NCAM2: variants seen among roughly 807,000 people sequenced by gnomAD.
NCAM2 encodes the protein N-CAM-2.
A neutral mutation model predicts 98.1 loss-of-function variants in NCAM2; 30 were observed. The ratio of observed to expected loss-of-function variants is 0.31; its 90% CI spans 0.23 to 0.41. The LOEUF (loss-of-function observed/expected upper bound fraction) is 0.41. NCAM2 is among the 10% of genes least tolerant of loss of function. The pLI, the probability that NCAM2 is intolerant of heterozygous loss-of-function variation, is 1.00. For synonymous variants in NCAM2, 368 were observed against 342.4 expected (o/e 1.07, Z -0.83); for missense variants, 867 against 1,005.8 (o/e 0.86, Z 1.87).
rs557643886 is a variant in NCAM2, at chr21:21,150,106, A to C, written c.56-130472A>C. Among the ~76,000 whole-genome samples, 9 of 151,998 alleles carry C rather than the reference A, an allele frequency of 5.9e-5. No homozygotes were observed. The South Asian group carries it at 1.5e-3, about 25-fold the overall frequency. On this transcript the variant is annotated intron_variant, in intron 1 of 17. Transcript: ENST00000400546. ...TTAGGTTCCTTATATATTATGTGAAATTTTTTTCTAAATATTTTGTGTTTT... is the reference window on the plus strand; with the variant it reads ...TTAGGTTCCTTATATATTATGTGAACTTTTTTTCTAAATATTTTGTGTTTT...
chr21:21,225,175 CAT>C (rs2070330520), intron 1 of NCAM2, among the ~76,000 whole-genome samples: 1 of 152,070 alleles, frequency 6.6e-6, no homozygotes, highest in South Asian at 2.1e-4. Context: ...CCAAACACCA[CAT>C]GTTCTCACTT....
chr21:21,529,617 A>C (rs1989512535), intron 16 of NCAM2, among the ~76,000 whole-genome samples: 1 of 151,950 alleles, frequency 6.6e-6, no homozygotes, highest in Non-Finnish European at 1.5e-5. Context: ...ATGATTTATT[A>C]ATTGCATGAA....
rs200037420 is a variant in NCAM2 at position 21,179,714 on chromosome 21, TAGAC to T, written c.56-100861_56-100858del. Among the ~76,000 whole-genome samples the T allele has an allele frequency of 4.5e-3, 685 of 152,334 alleles. 20 individuals carry two copies. The highest frequency in any genetic ancestry group is 0.04 in the Admixed American group (606 of 15,292). Reference sequence around the variant, plus strand: ...ATATATGTGTCATTTTCAAGGGTAATAGACAGTTGTTTTCAGGTCAGTTTTTGCA... The same window carrying T: ...ATATATGTGTCATTTTCAAGGGTAATAGTTGTTTTCAGGTCAGTTTTTGCA... On this transcript the variant is annotated intron_variant, in intron 1 of 17. Transcript: ENST00000400546.
intron 9 of NCAM2, among the ~76,000 whole-genome samples, chr21:21,394,331 A>G (rs1208196788): frequency 3.3e-5 from 5 of 152,108 alleles, no homozygotes; most frequent in African/African-American, 4.8e-5. Context: ...GCCAAAAGAT[A>G]TATTAGTTTT....
chr21:21,295,100 G>A (rs1422672747), intron 5 of NCAM2, among the ~76,000 whole-genome samples: 3 of 151,284 alleles, frequency 2.0e-5, no homozygotes, highest in East Asian at 2.0e-4. Flanking sequence ...CAAGTATACC[G>A]AAGTCCTACC....
At chr21:21,190,994 A>C (rs2068803237) in intron 1 of NCAM2, among the ~76,000 whole-genome samples, 1 of 152,208 alleles carries the variant, frequency 6.6e-6, no homozygotes, top group Non-Finnish European at 1.5e-5. Context: ...ATTTACATAC[A>C]GTATTTATTA....
intron 6 of NCAM2, among the ~76,000 whole-genome samples, chr21:21,329,494 A>T (rs2074613758): frequency 6.6e-6 from 1 of 152,194 alleles, no homozygotes; most frequent in African/African-American, 2.4e-5. Flanking sequence ...GACTGGGGAC[A>T]TATTTTGTAG....
At chr21:21,007,734 G>T (rs545568411) in intron 1 of NCAM2, among the ~76,000 whole-genome samples, 2 of 152,094 alleles carry the variant, frequency 1.3e-5, no homozygotes, top group Admixed American at 6.6e-5. Flanking sequence ...TCTTGGTTTT[G>T]GTAGGTTTTG....
At chr21:21,187,947 G>C (rs567476699) in intron 1 of NCAM2, among the ~76,000 whole-genome samples, 1 of 152,170 alleles carries the variant, frequency 6.6e-6, no homozygotes, top group Non-Finnish European at 1.5e-5. Flanking sequence ...AGCTAAATGA[G>C]TATGATACAT....
At chr21:21,321,121 T>C (rs1172855424) in intron 5 of NCAM2, among the ~76,000 whole-genome samples, 1 of 152,220 alleles carries the variant, frequency 6.6e-6, no homozygotes, top group Non-Finnish European at 1.5e-5. Flanking sequence ...GACTTTCTAA[T>C]GGACACACAG....
At chr21:21,528,557 T>A (rs1187202843) in intron 16 of NCAM2, among the ~76,000 whole-genome samples, 1 of 152,252 alleles carries the variant, frequency 6.6e-6, no homozygotes, top group Non-Finnish European at 1.5e-5. Flanking sequence ...CTTTGTAGTT[T>A]ATAATTGCTG....
rs147787961 is a variant in NCAM2 at position 21,387,114 on chromosome 21, G to A, written c.1195+13101G>A. Among the ~76,000 whole-genome samples the A allele has an allele frequency of 5.5e-4, 83 of 151,786 alleles. 1 individual carries two copies. The East Asian group carries it at 0.014, about 26-fold the overall frequency. ...AAGTTGGAGATTAGGATGCTAGCACGGTTGGGTGACTGGTAAGGGCCCTCT... is the reference window on the plus strand; with the variant it reads ...AAGTTGGAGATTAGGATGCTAGCACAGTTGGGTGACTGGTAAGGGCCCTCT... On this transcript the variant is annotated intron_variant, in intron 9 of 17. Coordinates refer to ENST00000400546, the MANE Select transcript of NCAM2 (RefSeq NM_004540.5).
chr21:21,453,375 G>A (rs549766985), intron 12 of NCAM2, among the ~76,000 whole-genome samples: 10 of 151,814 alleles, frequency 6.6e-5, no homozygotes, highest in Non-Finnish European at 1.0e-4. Context: ...TATGAAGGGC[G>A]TCCTGCCTGG....
intron 1 of NCAM2, among the ~76,000 whole-genome samples, chr21:21,054,889 T>A (rs2065182908): frequency 6.6e-6 from 1 of 152,036 alleles, no homozygotes; most frequent in Non-Finnish European, 1.5e-5. Flanking sequence ...GCCTCATAAA[T>A]TTTTAAATAC....
intron 15 of NCAM2, among the ~76,000 whole-genome samples, chr21:21,486,608 A>G (rs757815005): frequency 4.6e-5 from 7 of 152,192 alleles, no homozygotes; most frequent in Non-Finnish European, 1.0e-4. Context: ...GATCTTTCCA[A>G]TAAATTAGAG....
At chr21:21,305,095 A>T (rs986212882) in intron 5 of NCAM2, among the ~76,000 whole-genome samples, 4 of 152,078 alleles carry the variant, frequency 2.6e-5, no homozygotes, top group Admixed American at 2.6e-4. Context: ...AGGCAGGTGG[A>T]TCACCTGAGG....
chr21:21,425,509 C>A (rs1483180346), intron 11 of NCAM2, among the ~76,000 whole-genome samples: 1 of 151,996 alleles, frequency 6.6e-6, no homozygotes, highest in Non-Finnish European at 1.5e-5. Flanking sequence ...AAGACATACT[C>A]ATATTTGGAG....
At chr21:21,304,174 G>C (rs959689443) in intron 5 of NCAM2, among the ~76,000 whole-genome samples, 5 of 151,832 alleles carry the variant, frequency 3.3e-5, no homozygotes, top group Non-Finnish European at 7.4e-5. Context: ...CGAATGTATT[G>C]TGTAAAACAA....
intron 1 of NCAM2, among the ~76,000 whole-genome samples, chr21:21,185,532 T>C (rs567978059): frequency 7.2e-4 from 109 of 152,334 alleles, no homozygotes; most frequent in African/African-American, 2.6e-3. Context: ...AAAATAATTA[T>C]CAACATTTAT....
Sources: allele counts gnomAD v4.1 joint callset (sites outside exome capture counted in the v4.1 genomes callset), GRCh38; gene constraint gnomAD v4.1.1; transcripts MANE v1.5; gene names NCBI Gene and HGNC (gene_info 2026-07-23, HGNC 2026-07-21).